Variants in CHMP4C observed in about 807,000 individuals in gnomAD.
CHMP4C encodes the protein charged multivesicular body protein 4C.
In CHMP4C, 28 loss-of-function variants were observed where a neutral mutation model predicts 29.0. The observed-to-expected ratio is 0.97, with a 90% CI of 0.72 to 1.32. The LOEUF is 1.32. CHMP4C is among the 40% of genes most tolerant of loss of function. The probability of loss-of-function intolerance (pLI) is 0.00; values close to 1 mark genes in which losing one functional copy is unlikely to be tolerated. For synonymous variants in CHMP4C, 106 were observed against 102.4 expected, an observed-to-expected ratio of 1.04 and a Z score of -0.21; for missense variants, 291 against 281.0, an observed-to-expected ratio of 1.04 and a Z score of -0.25.
intron 3 of CHMP4C, 89 bp from the exon 4 acceptor site, chr8:81,758,053 T>C (rs1808992468): frequency 3.4e-6 from 4 of 1,192,514 alleles, no homozygotes; most frequent in Non-Finnish European, 4.8e-6. Context: ...CACATATCAA[T>C]TGGGTAGCAG....
chr8:81,757,852 G>T (rs1006696938), intron 3 of CHMP4C, among the ~76,000 whole-genome samples: 1 of 152,180 alleles, frequency 6.6e-6, no homozygotes, highest in Non-Finnish European at 1.5e-5. Flanking sequence ...CAGACAAGGT[G>T]TAAGTTTCCC....
intron 1 of CHMP4C, among the ~76,000 whole-genome samples, chr8:81,734,626 G>A (rs984104714): frequency 1.3e-5 from 2 of 152,016 alleles, no homozygotes; most frequent in Admixed American, 1.3e-4. Context: ...CACCGCACCT[G>A]GCTGATGTTG....
intron 1 of CHMP4C, among the ~76,000 whole-genome samples, chr8:81,746,926 C>T (rs1808831760): frequency 6.6e-6 from 1 of 152,146 alleles, no homozygotes; most frequent in Non-Finnish European, 1.5e-5. Context: ...TCACTATGTG[C>T]CACTGAACGA....
chr8:81,739,842 T>C (rs145125146), intron 1 of CHMP4C, among the ~76,000 whole-genome samples: 31 of 152,314 alleles, frequency 2.0e-4, no homozygotes, highest in African/African-American at 7.0e-4. Context: ...ATTTTTCAGA[T>C]ACCCATTTCA....
At chr8:81,745,003 T>C (rs1454388963) in intron 1 of CHMP4C, among the ~76,000 whole-genome samples, 2 of 152,226 alleles carry the variant, frequency 1.3e-5, no homozygotes, top group East Asian at 3.8e-4. Flanking sequence ...CCTGTGACAT[T>C]GAGCAGATAT....
intron 1 of CHMP4C, among the ~76,000 whole-genome samples, chr8:81,741,701 A>G (rs913899126): frequency 6.6e-6 from 1 of 152,212 alleles, no homozygotes; most frequent in South Asian, 2.1e-4. Context: ...GAATAAAATT[A>G]TCACAGAACT....
At chr8:81,737,597 G>A (rs897828104) in intron 1 of CHMP4C, among the ~76,000 whole-genome samples, 2 of 152,088 alleles carry the variant, frequency 1.3e-5, no homozygotes, top group African/African-American at 4.8e-5. Context: ...GTAGTTAAGA[G>A]CCTGGGCTTC....
intron 1 of CHMP4C, among the ~76,000 whole-genome samples, chr8:81,740,978 T>G (rs981027090): frequency 6.6e-6 from 1 of 152,218 alleles, no homozygotes; most frequent in African/African-American, 2.4e-5. Context: ...GAAATTATTT[T>G]GGTATTTTTC....
intron 1 of CHMP4C, among the ~76,000 whole-genome samples, chr8:81,745,644 G>T (rs1361574357): frequency 6.6e-6 from 1 of 152,172 alleles, no homozygotes; most frequent in South Asian, 2.1e-4. Context: ...TTGCATTTTA[G>T]TTCCAATCCC....
At chr8:81,747,727 G>T (rs969836871) in intron 1 of CHMP4C, among the ~76,000 whole-genome samples, 1 of 152,094 alleles carries the variant, frequency 6.6e-6, no homozygotes, top group South Asian at 2.1e-4. Context: ...GACATCACAC[G>T]TTGGTAGGAT....
intron 1 of CHMP4C, among the ~76,000 whole-genome samples, chr8:81,733,511 C>T (rs903866081): frequency 9.3e-5 from 14 of 150,250 alleles, no homozygotes; most frequent in South Asian, 2.1e-4. Flanking sequence ...GCTGGATGTT[C>T]GGCAGTTGAA....
At chr8:81,734,065 T>C (rs2130469014) in intron 1 of CHMP4C, among the ~76,000 whole-genome samples, 1 of 152,368 alleles carries the variant, frequency 6.6e-6, no homozygotes, top group South Asian at 2.1e-4. Flanking sequence ...TATTATAGCC[T>C]GTTTTAGAGG....
At chr8:81,744,923 A>G (rs948896126) in intron 1 of CHMP4C, among the ~76,000 whole-genome samples, 38 of 152,190 alleles carry the variant, frequency 2.5e-4, no homozygotes, top group African/African-American at 6.8e-4. Context: ...GTTCAGTGAA[A>G]TTCATAATGG....
chr8:81,758,076 T>C (rs1002264592), intron 3 of CHMP4C, 66 bp from the exon 4 acceptor site: 14 of 1,445,340 alleles, frequency 9.7e-6, no homozygotes, highest in South Asian at 4.9e-5. Flanking sequence ...GTTCTTGTTA[T>C]TGTGTTTGAG....
Position 81,732,544 on chromosome 8 carries a change from C to T in CHMP4C, c.-83C>T. Reference sequence around the variant, plus strand: ...CCGGTCTGGGTCCCCGAGAGGACTGCCTTGCTCACCTGTCCCCTCGGCGCG... The same window carrying T: ...CCGGTCTGGGTCCCCGAGAGGACTGTCTTGCTCACCTGTCCCCTCGGCGCG... On this transcript the variant is annotated 5_prime_UTR_variant, in exon 1 of 5. Transcript: ENST00000297265. The T allele has an allele frequency of 1.9e-6, 2 of 1,042,488 alleles. No homozygotes were observed. The highest frequency in any genetic ancestry group is 2.6e-5 in the East Asian group (1 of 38,236). The allele number at this position is 1,042,488 out of a possible 1,614,324, so 64.6% of individuals were successfully genotyped here.
In CHMP4C at chr8:81,732,591, G is replaced by GC; in HGVS notation, c.-31dup. On this transcript the variant is annotated 5_prime_UTR_variant, in exon 1 of 5. Transcript: ENST00000297265. The stretch of plus-strand genomic sequence containing the variant: ...CGCGGCCCCGGGGAGCTCCCGAGAG[G>GC]CCCCCGGGATCGCTGGCCCTCCGAA... 6.7e-7 allele frequency: 1 copy of GC among 1,489,414 alleles called. No homozygotes were observed. Among genetic ancestry groups the GC allele is most frequent in the Non-Finnish European group, 9.0e-7 (1 of 1,110,010 alleles). 92.3% of individuals were successfully genotyped at this position (1,489,414 alleles called of 1,614,324 possible).
chr8:81,750,703 G>T (rs1808890457), intron 1 of CHMP4C, among the ~76,000 whole-genome samples: 1 of 152,008 alleles, frequency 6.6e-6, no homozygotes, highest in Non-Finnish European at 1.5e-5. Flanking sequence ...CAGGGTGTGT[G>T]TGTAATTGTA....
chr8:81,753,255 G>C lies in CHMP4C; in HGVS notation c.368+14G>C, dbSNP rs764388809. 1 of 1,582,896 alleles carries C rather than the reference G, an allele frequency of 6.3e-7. No homozygotes were observed. Among genetic ancestry groups the C allele is most frequent in the Admixed American group, 1.8e-5 (1 of 56,182 alleles). On this transcript the variant is annotated intron_variant, in intron 2 of 4. Coordinates refer to ENST00000297265, the MANE Select transcript of CHMP4C (RefSeq NM_152284.4). ...TCATGAAAACATGTGAGTGACTCTG[G>C]TCTCCCTCTGAATCATAAATTCCCT...
intron 1 of CHMP4C, among the ~76,000 whole-genome samples, chr8:81,747,230 A>T (rs1808836611): frequency 6.6e-6 from 1 of 152,218 alleles, no homozygotes; most frequent in African/African-American, 2.4e-5. Context: ...CTAGAGCTTC[A>T]GAGCTCCACC....
Sources: gnomAD v4.1 joint callset for allele counts (sites outside exome capture counted in the v4.1 genomes callset) on GRCh38, gnomAD v4.1.1 for gene constraint, MANE v1.5 for transcripts, NCBI Gene and HGNC (gene_info 2026-07-23, HGNC 2026-07-21) for gene names.